The following SH3PXD2A variants were observed in gnomAD, a reference collection of about 807,000 sequenced individuals.
The protein encoded by SH3PXD2A is SH3 and PX domains 2A, also known as SH3 and PX domain-containing protein 2A.
In SH3PXD2A, 32 loss-of-function variants were observed where a neutral mutation model predicts 115.2. The ratio of observed to expected loss-of-function variants is 0.28; its 90% CI spans 0.21 to 0.37. The LOEUF is 0.37. Ranked by LOEUF, SH3PXD2A falls within the 10% of genes least tolerant of loss-of-function variation. SH3PXD2A has a pLI of 1.00. For missense variants in SH3PXD2A, 1,328 were observed against 1,498.7 expected, an observed-to-expected ratio of 0.89 and a Z score of 1.88; for synonymous variants, 610 against 629.1, an observed-to-expected ratio of 0.97 and a Z score of 0.45.
At chr10:103,767,260 C>T in intron 2 of SH3PXD2A, 91 bp from the exon 3 acceptor site, 2 of 918,706 alleles carry the variant, frequency 2.2e-6, no homozygotes, top group South Asian at 2.8e-5. Flanking sequence ...CTCCAGGGCC[C>T]CAGTGTCCTC....
At chr10:103,661,788 C>G (rs751171071) in intron 7 of SH3PXD2A, 7 of 985,336 alleles carry the variant, frequency 7.1e-6, no homozygotes, top group Non-Finnish European at 8.4e-6. Context: ...AATAGAAACA[C>G]ATGAGACCCG....
intron 4 of SH3PXD2A, among the ~76,000 whole-genome samples, chr10:103,733,695 C>T (rs2038349298): frequency 6.6e-6 from 1 of 152,202 alleles, no homozygotes; most frequent in African/African-American, 2.4e-5. Flanking sequence ...ACTACATTGT[C>T]TTTTCTTCCT....
rs969330958 is a variant in SH3PXD2A, at chr10:103,600,618, T to A, written c.*1198A>T. 1 of 152,232 alleles carries A rather than the reference T, an allele frequency of 6.6e-6. No homozygotes were observed. The highest frequency in any genetic ancestry group is 1.5e-5 in the Non-Finnish European group (1 of 68,038). 9.4% of individuals were successfully genotyped at this position (152,232 alleles called of 1,614,324 possible). A position where few individuals can be genotyped will look rare whatever the true frequency, so the allele number is the denominator to read the frequency against. On this transcript the variant is annotated 3_prime_UTR_variant, in exon 15 of 15. Coordinates refer to ENST00000369774, the MANE Select transcript of SH3PXD2A (RefSeq NM_001394015.1). ...GGGAGCTGCCTTCTCTCCAAAAGTCTGGCTCCTGAACACCCTCCTCCTTCC... is the reference window on the plus strand; with the variant it reads ...GGGAGCTGCCTTCTCTCCAAAAGTCAGGCTCCTGAACACCCTCCTCCTTCC...
intron 8 of SH3PXD2A, among the ~76,000 whole-genome samples, chr10:103,638,537 T>C (rs1201266564): frequency 6.6e-6 from 1 of 152,230 alleles, no homozygotes; most frequent in Non-Finnish European, 1.5e-5. Flanking sequence ...TAGCGGAGAA[T>C]GGTTTCCAGC....
At chr10:103,814,012 A>AC (rs1454241496) in intron 1 of SH3PXD2A, among the ~76,000 whole-genome samples, 2 of 142,828 alleles carry the variant, frequency 1.4e-5, no homozygotes, top group African/African-American at 5.5e-5. Flanking sequence ...AAAAAAAAAA[A>AC]AAACAACAAA....
chr10:103,710,327 A>G (rs1202981886), intron 5 of SH3PXD2A, among the ~76,000 whole-genome samples: 3 of 152,156 alleles, frequency 2.0e-5, no homozygotes, highest in Non-Finnish European at 4.4e-5. Flanking sequence ...GTGAGTCGAG[A>G]TCGCACCATT....
intron 1 of SH3PXD2A, among the ~76,000 whole-genome samples, chr10:103,840,140 G>A (rs143656194): frequency 6.8e-4 from 103 of 152,346 alleles, no homozygotes; most frequent in African/African-American, 2.4e-3. Context: ...GGAAGGACTG[G>A]TTAGGACCCA....
At chr10:103,830,548 C>A (rs1281118629) in intron 1 of SH3PXD2A, among the ~76,000 whole-genome samples, 2 of 152,140 alleles carry the variant, frequency 1.3e-5, no homozygotes, top group Non-Finnish European at 2.9e-5. Context: ...TCTGCTGCTG[C>A]AATGTTTGCA....
chr10:103,623,975 T>C (rs1446828848), intron 9 of SH3PXD2A, among the ~76,000 whole-genome samples: 1 of 152,214 alleles, frequency 6.6e-6, no homozygotes, highest in African/African-American at 2.4e-5. Context: ...TTAAACCATG[T>C]ACAAAGATCA....
At chr10:103,686,686 C>A (rs994812504) in intron 6 of SH3PXD2A, among the ~76,000 whole-genome samples, 2 of 152,004 alleles carry the variant, frequency 1.3e-5, no homozygotes, top group African/African-American at 4.8e-5. Context: ...ACACATCAAC[C>A]TGGCTAAGCT....
chr10:103,670,033 C>T lies in SH3PXD2A; in HGVS notation c.428-1381G>A, dbSNP rs186267135. 1.8e-4 allele frequency among the ~76,000 whole-genome samples: 28 copies of T among 152,298 alleles called. 1 individual carries two copies. The highest frequency in any genetic ancestry group is 1.6e-3 in the Admixed American group (25 of 15,290). On this transcript the variant is annotated intron_variant, in intron 6 of 14. Transcript: ENST00000369774. ...ATCACACAGCTAGTACAGCAGTGTC[C>T]ATCTCTTGCAGGGACACACACCTCA...
At chr10:103,630,910 A>AC (rs1279968901) in intron 8 of SH3PXD2A, among the ~76,000 whole-genome samples, 1 of 152,182 alleles carries the variant, frequency 6.6e-6, no homozygotes, top group Non-Finnish European at 1.5e-5. Context: ...CGTTTACCTT[A>AC]CGGTAATCCC....
At chr10:103,741,206 C>G (rs1337995891) in intron 3 of SH3PXD2A, among the ~76,000 whole-genome samples, 1 of 152,184 alleles carries the variant, frequency 6.6e-6, no homozygotes, top group Non-Finnish European at 1.5e-5. Context: ...GAAACTACAA[C>G]AGCCAAGGCC....
intron 1 of SH3PXD2A, among the ~76,000 whole-genome samples, chr10:103,819,424 G>C (rs368929408): frequency 2.2e-4 from 34 of 152,268 alleles, no homozygotes; most frequent in African/African-American, 8.2e-4. Flanking sequence ...AAGGCTGAGG[G>C]CTAGGGGAGG....
intron 6 of SH3PXD2A, among the ~76,000 whole-genome samples, chr10:103,687,885 G>A (rs189728193): frequency 2.0e-3 from 298 of 152,236 alleles, no homozygotes; most frequent in African/African-American, 7.0e-3. Flanking sequence ...TGCATCATGA[G>A]CAGCCAGCAC....
rs749049456 is a variant in SH3PXD2A, at chr10:103,846,176, C to T, written c.72+9019G>A. Among the ~76,000 whole-genome samples the T allele has an allele frequency of 5.3e-5, 8 of 152,350 alleles. No homozygotes were observed. The East Asian group carries it at 1.5e-3, about 29-fold the overall frequency. ...CCAGGCTTGGGGAGGGTGGCTTCCT[C>T]GCCAGCCAAAGGGAAATGACAGCAC... On this transcript the variant is annotated intron_variant, in intron 1 of 14. Coordinates refer to ENST00000369774, the MANE Select transcript of SH3PXD2A (RefSeq NM_001394015.1).
chr10:103,681,561 T>A (rs1365104188), intron 6 of SH3PXD2A, among the ~76,000 whole-genome samples: 1 of 152,206 alleles, frequency 6.6e-6, no homozygotes, highest in Non-Finnish European at 1.5e-5. Context: ...CTGGCCAACA[T>A]GGTGTAACCC....
chr10:103,771,347 G>T (rs528284344), intron 2 of SH3PXD2A, among the ~76,000 whole-genome samples: 1 of 152,214 alleles, frequency 6.6e-6, no homozygotes, highest in Admixed American at 6.5e-5. Flanking sequence ...GATGCTGTGG[G>T]GAGTGGGCAG....
intron 9 of SH3PXD2A, among the ~76,000 whole-genome samples, chr10:103,622,928 G>A (rs780999919): frequency 6.6e-6 from 1 of 152,190 alleles, no homozygotes; most frequent in South Asian, 2.1e-4. Flanking sequence ...ACTGCTGGGC[G>A]GTGCTGATTC....
Sources: gnomAD v4.1 joint callset for allele counts (sites outside exome capture counted in the v4.1 genomes callset) on GRCh38, gnomAD v4.1.1 for gene constraint, MANE v1.5 for transcripts, NCBI Gene and HGNC (gene_info 2026-07-23, HGNC 2026-07-21) for gene names.